Variants in KANSL1 observed in about 807,000 individuals in gnomAD.
The protein encoded by KANSL1 is KAT8 regulatory NSL complex subunit 1.
Under a neutral mutation model 103.6 loss-of-function variants are expected in KANSL1, and 22 were observed. The ratio of observed to expected loss-of-function variants is 0.21; its 90% confidence interval spans 0.15 to 0.30. The LOEUF is 0.30. Among genes scored for constraint, KANSL1 ranks in the 10% least tolerant of loss-of-function variants. The pLI is 1.00. For missense variants in KANSL1, 1,337 were observed against 1,399.8 expected (o/e 0.96, Z 0.72); for synonymous variants, 600 against 527.6 (o/e 1.14, Z -1.88).
chr17:46,181,005 C>T (rs1374476120), intron 1 of KANSL1, among the ~76,000 whole-genome samples: 2 of 152,134 alleles, frequency 1.3e-5, no homozygotes, highest in South Asian at 2.1e-4. Flanking sequence ...AGTAAAAAGG[C>T]ATCTATAGAT....
At chr17:46,136,346 G>A (rs2532316) in intron 2 of KANSL1, among the ~76,000 whole-genome samples, 21,955 of 152,102 alleles carry the variant, frequency 0.14, 2,138 homozygotes, top group Non-Finnish European at 0.22. Context: ...CACAAGGCTT[G>A]GATTAGGTTT....
chr17:46,126,284 A>C (rs2147235939), intron 2 of KANSL1, among the ~76,000 whole-genome samples: 1 of 152,282 alleles, frequency 6.6e-6, no homozygotes, highest in South Asian at 2.1e-4. Context: ...TCTACTAAAA[A>C]TACAAAAATT....
At chr17:46,104,474 C>CAT (rs1258052744) in intron 2 of KANSL1, among the ~76,000 whole-genome samples, 4 of 152,266 alleles carry the variant, frequency 2.6e-5, no homozygotes, top group East Asian at 1.9e-4. Context: ...CAAGTCATGT[C>CAT]ATATATATAA....
rs560531350 is a variant in KANSL1 at position 46,171,693 on chromosome 17, G to T, written c.451C>A (p.Gln151Lys). 6.4e-7 allele frequency: 1 copy of T among 1,553,890 alleles called. No individual in the cohort carries two copies. The highest frequency in any genetic ancestry group is 8.7e-7 in the Non-Finnish European group (1 of 1,154,648). The stretch of plus-strand genomic sequence containing the variant: ...TTAGCCAACCCATTTACAGGTGCTT[G>T]TGGCAGAGCTGTCTGACCACTCGTA... ...MNTSGQTALP[Q>K]APVNGLAKKL... Residue 151 changes from glutamine (Q) to lysine (K), a missense_variant, in exon 2 of 15, where the codon CAA becomes AAA. Around this residue, in one of 2 missense-constraint regions of KANSL1, gnomAD observed 557 missense variants for 476.4 expected, o/e 1.17. Coordinates refer to ENST00000432791, the MANE Select transcript of KANSL1 (RefSeq NM_015443.4).
chr17:46,145,148 G>A (rs2044632766), intron 2 of KANSL1, among the ~76,000 whole-genome samples: 1 of 152,180 alleles, frequency 6.6e-6, no homozygotes, highest in Admixed American at 6.5e-5. Flanking sequence ...CTTTTAACCC[G>A]ATCTACACAA....
At chr17:46,186,383 CAA>C (rs371176514) in intron 1 of KANSL1, among the ~76,000 whole-genome samples, 21 of 111,332 alleles carry the variant, frequency 1.9e-4, no homozygotes, top group Admixed American at 2.7e-4. Flanking sequence ...GACTGTGTCT[CAA>C]AAAAAAAAAA....
At chr17:46,141,248 T>C (rs979072395) in intron 2 of KANSL1, among the ~76,000 whole-genome samples, 2 of 152,196 alleles carry the variant, frequency 1.3e-5, no homozygotes, top group Non-Finnish European at 1.5e-5. Flanking sequence ...GTGAAGCAAA[T>C]GCATTAAACC....
At chr17:46,130,892 G>A (rs1313735106) in intron 2 of KANSL1, among the ~76,000 whole-genome samples, 1 of 152,208 alleles carries the variant, frequency 6.6e-6, no homozygotes. Flanking sequence ...GAAATTACCA[G>A]TCCTCACTGT....
chr17:46,182,947 C>G (rs1205557675), intron 1 of KANSL1, among the ~76,000 whole-genome samples: 2 of 152,178 alleles, frequency 1.3e-5, no homozygotes, highest in Non-Finnish European at 2.9e-5. Context: ...CTGAGTATCT[C>G]CAATAAATAT....
At chr17:46,218,417 T>C (rs1057296979) in intron 1 of KANSL1, among the ~76,000 whole-genome samples, 6 of 152,378 alleles carry the variant, frequency 3.9e-5, no homozygotes, top group South Asian at 2.1e-4. Context: ...AAGAGGTTAA[T>C]GAGCTTACCC....
chr17:46,130,797 T>TA (rs1384051655), intron 2 of KANSL1, among the ~76,000 whole-genome samples: 2 of 152,196 alleles, frequency 1.3e-5, no homozygotes, highest in East Asian at 3.8e-4. Flanking sequence ...TTGTCCCTCC[T>TA]CTTTCCCCTC....
intron 2 of KANSL1, among the ~76,000 whole-genome samples, chr17:46,141,588 A>G (rs1428383573): frequency 6.6e-6 from 1 of 152,260 alleles, no homozygotes; most frequent in African/African-American, 2.4e-5. Context: ...AGAAAAGACA[A>G]TCAGAGAGTG....
At chr17:46,142,312 G>T (rs2044462441) in intron 2 of KANSL1, among the ~76,000 whole-genome samples, 1 of 152,182 alleles carries the variant, frequency 6.6e-6, no homozygotes, top group Admixed American at 6.5e-5. Flanking sequence ...CTGCTTCAAA[G>T]AATCATAAAA....
intron 2 of KANSL1, among the ~76,000 whole-genome samples, chr17:46,125,734 C>A (rs1197220854): frequency 6.6e-6 from 1 of 152,180 alleles, no homozygotes; most frequent in Admixed American, 6.5e-5. Context: ...TGTCAGAGTA[C>A]CCTTTTGATC....
chr17:46,099,700 C>T (rs1482508695), intron 2 of KANSL1, among the ~76,000 whole-genome samples: 1 of 152,198 alleles, frequency 6.6e-6, no homozygotes, highest in Non-Finnish European at 1.5e-5. Context: ...CTGAGTAGGA[C>T]ACTAGAATGC....
chr17:46,101,761 A>C (rs1482233205), intron 2 of KANSL1, among the ~76,000 whole-genome samples: 2 of 110,788 alleles, frequency 1.8e-5, no homozygotes, highest in Non-Finnish European at 4.9e-5. Flanking sequence ...CTACAAAAAA[A>C]AAAAAAAAAA....
intron 1 of KANSL1, among the ~76,000 whole-genome samples, chr17:46,173,162 T>C (rs1458487270): frequency 1.3e-5 from 2 of 152,208 alleles, no homozygotes; most frequent in Non-Finnish European, 2.9e-5. Flanking sequence ...TGTACTATCA[T>C]CCTCTTCTCT....
At chr17:46,144,526 C>T (rs906627258) in intron 2 of KANSL1, among the ~76,000 whole-genome samples, 7 of 152,262 alleles carry the variant, frequency 4.6e-5, no homozygotes, top group African/African-American at 9.6e-5. Flanking sequence ...AGTAAAAGGA[C>T]GTCAGGACAA....
intron 4 of KANSL1, among the ~76,000 whole-genome samples, chr17:46,080,157 T>C (rs1290025653): frequency 1.3e-5 from 2 of 151,828 alleles, no homozygotes; most frequent in Non-Finnish European, 2.9e-5. Flanking sequence ...AAATTAAACA[T>C]AACAGAAAAT....
Sources: allele counts gnomAD v4.1 joint callset (sites outside exome capture counted in the v4.1 genomes callset), GRCh38; gene constraint gnomAD v4.1.1; regional missense constraint gnomAD v4.1.1; transcripts MANE v1.5; gene names NCBI Gene and HGNC (gene_info 2026-07-23, HGNC 2026-07-21).